Variants in RNF216 observed in about 807,000 individuals in gnomAD.
RNF216 encodes ring finger protein 216.
Under a neutral mutation model 110.8 loss-of-function variants are expected in RNF216, and 72 were observed. The ratio of observed to expected loss-of-function variants is 0.65; its 90% CI spans 0.54 to 0.79. The LOEUF (loss-of-function observed/expected upper bound fraction) is 0.79, where lower values mean the gene tolerates loss of function less well. Among genes scored for constraint, RNF216 ranks in the 30% least tolerant of loss-of-function variants. The probability of loss-of-function intolerance (pLI) is 0.00; values close to 1 mark genes in which losing one functional copy is unlikely to be tolerated. For synonymous variants in RNF216, 495 were observed against 407.5 expected, an observed-to-expected ratio of 1.21 and a Z score of -2.59; for missense variants, 1,342 against 1,141.2, an observed-to-expected ratio of 1.18 and a Z score of -2.54.
rs997156598 is a variant in RNF216 at position 5,622,572 on chromosome 7, C to T, written c.*288G>A. On this transcript the variant is annotated 3_prime_UTR_variant, in exon 17 of 17. Transcript: ENST00000389902. ...GCAGGGACCTGGTCTATGGCCTATGCCATGGACAAGGCAGAAGGACTGCCG... is the reference window on the plus strand; with the variant it reads ...GCAGGGACCTGGTCTATGGCCTATGTCATGGACAAGGCAGAAGGACTGCCG... 1.1e-4 allele frequency: 48 copies of T among 420,804 alleles called. No homozygotes were observed. Among genetic ancestry groups the T allele is most frequent in the African/African-American group, 9.3e-4 (47 of 50,466 alleles). The allele number at this position is 420,804 out of a possible 1,614,324, so 26.1% of individuals were successfully genotyped here.
chr7:5,756,928 G>A (rs964649278), intron 2 of RNF216, among the ~76,000 whole-genome samples: 4 of 152,120 alleles, frequency 2.6e-5, no homozygotes, highest in Admixed American at 1.3e-4. Flanking sequence ...GAGCCACTGC[G>A]CCTGGCTGAG....
chr7:5,747,962 A>G (rs1795126024), intron 3 of RNF216, among the ~76,000 whole-genome samples: 1 of 151,932 alleles, frequency 6.6e-6, no homozygotes, highest in Non-Finnish European at 1.5e-5. Flanking sequence ...AAGGTTAAGG[A>G]AACAAAAATC....
At chr7:5,649,235 T>C (rs966596359) in intron 14 of RNF216, among the ~76,000 whole-genome samples, 3 of 151,452 alleles carry the variant, frequency 2.0e-5, no homozygotes, top group Admixed American at 6.6e-5. Flanking sequence ...CTACTAAAAA[T>C]CCAAAAATTA....
intron 14 of RNF216, among the ~76,000 whole-genome samples, chr7:5,641,782 C>A (rs1787747295): frequency 6.6e-6 from 1 of 152,002 alleles, no homozygotes; most frequent in African/African-American, 2.4e-5. Flanking sequence ...CGCCTGTAAT[C>A]CCAGAACTTT....
At chr7:5,623,410 A>C (rs1442522569) in intron 16 of RNF216, among the ~76,000 whole-genome samples, 3 of 151,738 alleles carry the variant, frequency 2.0e-5, no homozygotes, top group African/African-American at 7.3e-5. Flanking sequence ...CCACCCACCC[A>C]GCCAGACATC....
intron 13 of RNF216, among the ~76,000 whole-genome samples, chr7:5,707,063 CTTG>C (rs1792339691): frequency 1.3e-5 from 2 of 152,180 alleles, no homozygotes; most frequent in African/African-American, 4.8e-5. Context: ...TCTTTGCACC[CTTG>C]TTGAAGATCA....
At chr7:5,708,589 A>C (rs1015537998) in intron 13 of RNF216, among the ~76,000 whole-genome samples, 1 of 152,210 alleles carries the variant, frequency 6.6e-6, no homozygotes, top group African/African-American at 2.4e-5. Flanking sequence ...TTTATTCTAA[A>C]ATAGGCTTCC....
At position 5,680,199 on chromosome 7, in the gene RNF216, C is replaced by A. The variant is rs1790559336; in HGVS notation, c.2062-27689G>T. ...CCCTGGAAACACACGCTCCCCTCTACTTTAACACTCTGTGTCCTCTTCCGG... is the reference window on the plus strand; with the variant it reads ...CCCTGGAAACACACGCTCCCCTCTAATTTAACACTCTGTGTCCTCTTCCGG... On this transcript the variant is annotated intron_variant, in intron 13 of 16. Transcript: ENST00000389902. The surrounding 1 kb of genome is among the most constrained non-coding windows in gnomAD (Gnocchi z 4.3). 6.6e-6 allele frequency among the ~76,000 whole-genome samples: 1 copy of A among 152,200 alleles called. No individual in the cohort carries two copies. The highest frequency in any genetic ancestry group is 2.4e-5 in the African/African-American group (1 of 41,456).
intron 13 of RNF216, among the ~76,000 whole-genome samples, chr7:5,676,232 G>C (rs2128601006): frequency 6.6e-6 from 1 of 152,158 alleles, no homozygotes; most frequent in Admixed American, 6.5e-5. Flanking sequence ...GGCTGATCTT[G>C]AACTCCTGGT....
chr7:5,718,224 T>C (rs1793185696), intron 9 of RNF216, among the ~76,000 whole-genome samples: 1 of 151,634 alleles, frequency 6.6e-6, no homozygotes, highest in Non-Finnish European at 1.5e-5. Flanking sequence ...CTACTAAAAA[T>C]ACAAAAATTA....
At chr7:5,686,778 A>G (rs1791013404) in intron 13 of RNF216, among the ~76,000 whole-genome samples, 1 of 152,166 alleles carries the variant, frequency 6.6e-6, no homozygotes, top group Admixed American at 6.5e-5. Context: ...GTGGAAGACT[A>G]TTTTTCCACG....
At chr7:5,706,206 C>T (rs1463233759) in intron 13 of RNF216, among the ~76,000 whole-genome samples, 4 of 139,544 alleles carry the variant, frequency 2.9e-5, no homozygotes, top group Admixed American at 1.5e-4. Context: ...AGCAACACAG[C>T]GACACTCCAT....
At position 5,647,500 on chromosome 7, in the gene RNF216, A is replaced by C. The variant is rs1317104788; in HGVS notation, c.2159+4913T>G. ...AGGCACGTGCCACCATGCCTGGCTA[A>C]TTTTTAGATTTTCTGTACAGAGAGG... On this transcript the variant is annotated intron_variant, in intron 14 of 16. Transcript: ENST00000389902. Among the ~76,000 whole-genome samples the C allele has an allele frequency of 4.6e-5, 7 of 151,436 alleles. No homozygotes were observed. The South Asian group carries it at 1.3e-3, about 27-fold the overall frequency.
intron 15 of RNF216, among the ~76,000 whole-genome samples, chr7:5,636,862 C>T (rs149111613): frequency 8.9e-4 from 135 of 152,288 alleles, no homozygotes; most frequent in African/African-American, 2.9e-3. Flanking sequence ...GCAGTGCATG[C>T]TATGGCACCC....
At chr7:5,781,040 C>A (rs947806154) in intron 1 of RNF216, among the ~76,000 whole-genome samples, 3 of 152,078 alleles carry the variant, frequency 2.0e-5, no homozygotes, top group Non-Finnish European at 4.4e-5. Context: ...TCGCGAGTGC[C>A]GGGTGACAGT....
chr7:5,701,786 G>A (rs1308776396), intron 13 of RNF216, among the ~76,000 whole-genome samples: 1 of 152,206 alleles, frequency 6.6e-6, no homozygotes, highest in African/African-American at 2.4e-5. Context: ...CCAGTGCTGT[G>A]CAGAGCTGCA....
At chr7:5,671,603 G>C (rs1789915127) in intron 13 of RNF216, among the ~76,000 whole-genome samples, 1 of 152,094 alleles carries the variant, frequency 6.6e-6, no homozygotes, top group Admixed American at 6.6e-5. Flanking sequence ...AGCAGTTCGA[G>C]ACCAGCCTGA....
chr7:5,688,941 G>A (rs1316640776), intron 13 of RNF216, among the ~76,000 whole-genome samples: 2 of 152,170 alleles, frequency 1.3e-5, no homozygotes, highest in African/African-American at 2.4e-5. Flanking sequence ...CTGAATGAGA[G>A]AAGCGGGAAA....
rs556684912 is a variant in RNF216, at chr7:5,666,228, T to C, written c.2062-13718A>G. 1.3e-5 allele frequency among the ~76,000 whole-genome samples: 2 copies of C among 151,444 alleles called. 1 individual carries two copies. Among genetic ancestry groups the C allele is most frequent in the South Asian group, 4.2e-4 (2 of 4,764 alleles). ...AGCTCCTACTAAGGACTATGGGTCC[T>C]GCTCTGCAGTGGGGACACACATTAA... On this transcript the variant is annotated intron_variant, in intron 13 of 16. Transcript: ENST00000389902.
Sources: gnomAD v4.1 joint callset for allele counts (sites outside exome capture counted in the v4.1 genomes callset) on GRCh38, gnomAD v4.1.1 for gene constraint, Gnocchi (gnomAD v3.1) non-coding constraint, MANE v1.5 for transcripts, NCBI Gene and HGNC (gene_info 2026-07-23, HGNC 2026-07-21) for gene names.